The following TTC3 variants were observed in gnomAD, a reference collection of about 807,000 sequenced individuals.
TTC3 encodes E3 ubiquitin-protein ligase TTC3.
Under a neutral mutation model 249.6 loss-of-function variants are expected in TTC3, and 180 were observed. The observed-to-expected ratio is 0.72, with a 90% CI of 0.64 to 0.82. TTC3 has a LOEUF of 0.82. Among genes scored for constraint, TTC3 ranks in the 40% least tolerant of loss-of-function variants. The pLI is 0.00. For missense variants in TTC3, 2,061 were observed against 2,398.4 expected, an observed-to-expected ratio of 0.86 and a Z score of 2.94; for synonymous variants, 717 against 805.0, an observed-to-expected ratio of 0.89 and a Z score of 1.85.
intron 20 of TTC3, among the ~76,000 whole-genome samples, chr21:37,144,039 A>G (rs2078751939): frequency 1.3e-5 from 2 of 151,848 alleles, no homozygotes; most frequent in Non-Finnish European, 2.9e-5. Context: ...TGGGAATTGA[A>G]CAATGAGAAC....
In TTC3 at chr21:37,178,017, C is replaced by G. The variant is rs141626476; in HGVS notation, c.4618-4757C>G. On this transcript the variant is annotated intron_variant, in intron 35 of 45. Transcript: ENST00000355666. ...AGCCCTTGGCAACCACTGATTTACT[C>G]TCTAGATTTATCTATTCTGGGCATT... Among the ~76,000 whole-genome samples, 224 of 152,300 alleles carry G rather than the reference C, an allele frequency of 1.5e-3. 2 individuals are homozygous for G. The highest frequency in any genetic ancestry group is 4.9e-3 in the African/African-American group (205 of 41,566).
chr21:37,196,775 TTGTTAGAG>T (rs1368875276), intron 42 of TTC3, among the ~76,000 whole-genome samples: 2 of 152,132 alleles, frequency 1.3e-5, no homozygotes, highest in African/African-American at 4.8e-5. Context: ...GACCTCTGAT[TTGTTAGAG>T]TGTGAGGTTG....
intron 13 of TTC3, 78 bp from the exon 14 acceptor site, chr21:37,124,541 G>T (rs2076905278): frequency 6.7e-7 from 1 of 1,486,050 alleles, no homozygotes; most frequent in Non-Finnish European, 9.2e-7. Context: ...AGGAAAAAAG[G>T]CTGTGATTGC....
chr21:37,202,016 G>C (rs904925861), exon 46 of TTC3: 1 of 154,402 alleles, frequency 6.5e-6, no homozygotes, highest in Non-Finnish European at 1.4e-5. Flanking sequence ...TTTTACAAGA[G>C]TCTGTATTCC....
At chr21:37,148,517 G>A (rs376225824) in intron 22 of TTC3, 29 bp from the exon 23 acceptor site, 16 of 1,391,692 alleles carry the variant, frequency 1.1e-5, no homozygotes, top group African/African-American at 4.4e-5. Context: ...TCTTTAAAAC[G>A]TTAATTAAAA....
intron 28 of TTC3, chr21:37,158,312 T>C: frequency 1.6e-6 from 1 of 629,046 alleles, no homozygotes; most frequent in East Asian, 1.4e-4. Flanking sequence ...ACACTCGTCC[T>C]TTAACTTGTG....
intron 1 of TTC3, among the ~76,000 whole-genome samples, chr21:37,077,140 C>A (rs2071004101): frequency 6.6e-6 from 1 of 151,586 alleles, no homozygotes; most frequent in Admixed American, 6.6e-5. Context: ...TTTGGCCAAC[C>A]ATATGCTGGT....
At chr21:37,083,486 G>C (rs1044742674) in intron 1 of TTC3, 1 of 792,738 alleles carries the variant, frequency 1.3e-6, no homozygotes, top group African/African-American at 1.9e-5. Context: ...GAAGGCAGTG[G>C]CACTGGGCAT....
At chr21:37,113,194 C>A (rs972840345) in intron 11 of TTC3, among the ~76,000 whole-genome samples, 14 of 152,120 alleles carry the variant, frequency 9.2e-5, no homozygotes, top group Middle Eastern at 3.2e-3. Context: ...CTGGCCAGGG[C>A]AATCACGCAG....
chr21:37,154,856 T>C (rs1670048609), intron 27 of TTC3, among the ~76,000 whole-genome samples: 1 of 152,040 alleles, frequency 6.6e-6, no homozygotes, highest in African/African-American at 2.4e-5. Flanking sequence ...CCACCACGCC[T>C]GGCTAATGTT....
chr21:37,085,421 T>C (rs2072320567), intron 1 of TTC3, among the ~76,000 whole-genome samples: 1 of 152,176 alleles, frequency 6.6e-6, no homozygotes, highest in Admixed American at 6.5e-5. Context: ...ATGAAAGCAG[T>C]TTCCCTTGAA....
chr21:37,161,103 T>TA (rs397805488), intron 30 of TTC3, among the ~76,000 whole-genome samples: 78,310 of 146,728 alleles, frequency 0.53, 21,175 homozygotes, highest in African/African-American at 0.64. Flanking sequence ...TATTTCTGAG[T>TA]AAAAAAAAAA....
chr21:37,122,183 T>G (rs2076635973), intron 12 of TTC3, among the ~76,000 whole-genome samples: 1 of 151,890 alleles, frequency 6.6e-6, no homozygotes, highest in South Asian at 2.1e-4. Flanking sequence ...TTATAAATGA[T>G]TTGTACTTTT....
At chr21:37,144,000 A>G (rs1238468170) in intron 20 of TTC3, among the ~76,000 whole-genome samples, 1 of 151,572 alleles carries the variant, frequency 6.6e-6, no homozygotes, top group African/African-American at 2.4e-5. Context: ...GGGACAAAAA[A>G]CCAAACACCG....
rs549276910 is a variant in TTC3 at position 37,188,626 on chromosome 21, G to A, written c.5024+31G>A. 90 of 1,554,596 alleles carry A rather than the reference G, an allele frequency of 5.8e-5. 1 individual carries two copies. In the South Asian group the frequency reaches 5.8e-4, roughly 10 times the overall value. Reference sequence around the variant, plus strand: ...GCAGTTTCGTGGGTGTTCTCAGCACGTCATTTAGAAGATAAAGCTAGGACC... The same window carrying A: ...GCAGTTTCGTGGGTGTTCTCAGCACATCATTTAGAAGATAAAGCTAGGACC... On this transcript the variant is annotated intron_variant, in intron 39 of 45. Coordinates refer to ENST00000355666, the Ensembl canonical transcript of TTC3.
intron 26 of TTC3, among the ~76,000 whole-genome samples, chr21:37,152,488 G>A (rs546369683): frequency 6.7e-6 from 1 of 149,708 alleles, no homozygotes; most frequent in Non-Finnish European, 1.5e-5. Flanking sequence ...CCGGGTTCAC[G>A]CCATTCTCCT....
At chr21:37,161,912 C>T in intron 30 of TTC3, 78 bp from the exon 31 acceptor site, 7 of 925,318 alleles carry the variant, frequency 7.6e-6, no homozygotes, top group Non-Finnish European at 1.1e-5. Context: ...TATAAGTATT[C>T]ATCAATTTTA....
intron 32 of TTC3, 67 bp downstream of exon 32, chr21:37,164,282 G>A: frequency 1.5e-6 from 2 of 1,309,778 alleles, no homozygotes; most frequent in Non-Finnish European, 2.0e-6. Context: ...ATCAGAAGTT[G>A]TTTAATTTGT....
intron 3 of TTC3, 76 bp from the exon 4 acceptor site, chr21:37,088,120 C>T (rs1236975194): frequency 4.5e-6 from 6 of 1,321,902 alleles, no homozygotes; most frequent in Non-Finnish European, 5.1e-6. Context: ...TCCATTTTTG[C>T]CTTTTTACTA....
Sources: allele counts gnomAD v4.1 joint callset (sites outside exome capture counted in the v4.1 genomes callset), GRCh38; gene constraint gnomAD v4.1.1; transcripts MANE v1.5; gene names NCBI Gene and HGNC (gene_info 2026-07-23, HGNC 2026-07-21).